The following WNT7A variants were observed in gnomAD, a reference collection of about 807,000 sequenced individuals.
WNT7A encodes the protein protein Wnt-7a.
WNT7A carries 16 observed loss-of-function variants against 28.2 expected under a neutral mutation model. The ratio of observed to expected loss-of-function variants is 0.57; its 90% CI spans 0.38 to 0.86. The LOEUF is 0.86. Among genes scored for constraint, WNT7A ranks in the 40% least tolerant of loss-of-function variants. The pLI is 0.00. For missense variants in WNT7A, 411 were observed against 489.7 expected, an observed-to-expected ratio of 0.84 and a Z score of 1.52; for synonymous variants, 190 against 195.9, an observed-to-expected ratio of 0.97 and a Z score of 0.25.
Position 13,842,131 on chromosome 3 carries a change from G to C in WNT7A, c.570+12401C>G, listed in dbSNP as rs142273177. Among the ~76,000 whole-genome samples the C allele has an allele frequency of 7.0e-3, 1,061 of 152,262 alleles. 12 individuals are homozygous for C. The highest frequency in any genetic ancestry group is 0.023 in the African/African-American group (955 of 41,532). On this transcript the variant is annotated intron_variant, in intron 3 of 3. Coordinates refer to ENST00000285018, the MANE Select transcript of WNT7A (RefSeq NM_004625.4). The stretch of plus-strand genomic sequence containing the variant: ...GTGAAGGCTTCTGTGTCTACTCTGG[G>C]TGAGATGGGAGCCATGGTGAGATTA...
chr3:13,855,519 C>A (rs1195057317), intron 2 of WNT7A, among the ~76,000 whole-genome samples: 1 of 152,184 alleles, frequency 6.6e-6, no homozygotes, highest in Non-Finnish European at 1.5e-5. Context: ...TTCTGTGGCC[C>A]CCTCACTGGA....
intron 1 of WNT7A, among the ~76,000 whole-genome samples, chr3:13,876,545 C>T (rs2124880805): frequency 6.6e-6 from 1 of 152,316 alleles, no homozygotes; most frequent in East Asian, 1.9e-4. Flanking sequence ...GGACAAGTGC[C>T]TCGTCCTGGG....
chr3:13,822,492 G>A (rs780513416), intron 3 of WNT7A, among the ~76,000 whole-genome samples: 3 of 152,206 alleles, frequency 2.0e-5, no homozygotes, highest in African/African-American at 4.8e-5. Context: ...GTGTGATTCC[G>A]TTTACATGCA....
Position 13,818,368 on chromosome 3 carries a change from A to AAAAAAAAAAAAAAAAAAAG in WNT7A, c.*575_*576insCTTTTTTTTTTTTTTTTTT, listed in dbSNP as rs1575056906. ...GCAAACAGCAAAAAAAAAAAAAAAA[A>AAAAAAAAAAAAAAAAAAAG]TGTGTGTGTGTATATCTATATATGC... On this transcript the variant is annotated 3_prime_UTR_variant, in exon 4 of 4. Coordinates refer to ENST00000285018, the MANE Select transcript of WNT7A (RefSeq NM_004625.4). 11 of 150,138 alleles carry AAAAAAAAAAAAAAAAAAAG rather than the reference A, an allele frequency of 7.3e-5. No homozygotes were observed. Among genetic ancestry groups the AAAAAAAAAAAAAAAAAAAG allele is most frequent in the East Asian group, 3.9e-4 (2 of 5,100 alleles). The allele number at this position is 150,138 out of a possible 1,614,324, so 9.3% of individuals were successfully genotyped here.
intron 3 of WNT7A, among the ~76,000 whole-genome samples, chr3:13,822,495 T>C (rs1694128053): frequency 6.6e-6 from 1 of 152,248 alleles, no homozygotes; most frequent in African/African-American, 2.4e-5. Flanking sequence ...TGATTCCGTT[T>C]ACATGCAATG....
chr3:13,819,456 G>T (rs750618953), intron 3 of WNT7A, 33 bp from the exon 4 acceptor site: 1 of 1,605,514 alleles, frequency 6.2e-7, no homozygotes, highest in East Asian at 2.2e-5. Flanking sequence ...GCACAGCACA[G>T]GTCACTGCAC....
chr3:13,856,956 GAAGAAGAAGAAGGAGA>G (rs1694751634), intron 2 of WNT7A, among the ~76,000 whole-genome samples: 1 of 124,806 alleles, frequency 8.0e-6, no homozygotes, highest in Non-Finnish European at 1.6e-5. Flanking sequence ...AGAAGAAGAA[GAAGAAGAAGAAGGAGA>G]AGAAGAAGAA....
At chr3:13,823,627 G>A (rs998121476) in intron 3 of WNT7A, among the ~76,000 whole-genome samples, 6 of 152,242 alleles carry the variant, frequency 3.9e-5, no homozygotes, top group African/African-American at 1.4e-4. Context: ...ATTAGTGGCT[G>A]CACCACTGGG....
chr3:13,851,053 C>G (rs1694629649), intron 3 of WNT7A, among the ~76,000 whole-genome samples: 1 of 152,126 alleles, frequency 6.6e-6, no homozygotes, highest in African/African-American at 2.4e-5. Context: ...CGACCCTGTT[C>G]CTCCACACCA....
At chr3:13,858,226 AC>A (rs1694777640) in intron 2 of WNT7A, among the ~76,000 whole-genome samples, 1 of 152,132 alleles carries the variant, frequency 6.6e-6, no homozygotes, top group Non-Finnish European at 1.5e-5. Flanking sequence ...TTGATGGGAG[AC>A]TGTGTCCTCT....
chr3:13,862,709 C>T (rs930018006), intron 2 of WNT7A, among the ~76,000 whole-genome samples: 3 of 152,226 alleles, frequency 2.0e-5, no homozygotes, highest in African/African-American at 4.8e-5. Context: ...GCCCACAGCT[C>T]GGGAAACTGG....
At chr3:13,879,537 T>A (rs1165635367) in intron 1 of WNT7A, among the ~76,000 whole-genome samples, 2 of 152,190 alleles carry the variant, frequency 1.3e-5, no homozygotes, top group Admixed American at 6.5e-5. Flanking sequence ...GACTCAGACG[T>A]CCTCAGGATG....
chr3:13,842,093 C>T (rs1241215431), intron 3 of WNT7A, among the ~76,000 whole-genome samples: 2 of 151,944 alleles, frequency 1.3e-5, no homozygotes, highest in African/African-American at 4.8e-5. Context: ...GAGGGAGGGG[C>T]CTGTGAGCCA....
At chr3:13,837,278 C>T (rs1345558363) in intron 3 of WNT7A, among the ~76,000 whole-genome samples, 1 of 152,152 alleles carries the variant, frequency 6.6e-6, no homozygotes, top group African/African-American at 2.4e-5. Flanking sequence ...GACACCCTTC[C>T]TCCAGTTCCT....
rs763137120 is a variant in WNT7A at position 13,879,783 on chromosome 3, G to C, written c.34C>G (p.Leu12Val). ...TAGACCATGCCCAGGCTGAGAAAGA[G>C]GTGGCCCAGGCAGCGCCGCGCTTTC... is the stretch of plus-strand genomic sequence containing the variant. ...NRKARRCLGH[L>V]FLSLGMVYLR... The change falls in exon 1 of 4, where the codon CTC becomes GTC. Residue 12 changes from leucine (L) to valine (V), a missense_variant. Leu to Val is a conservative substitution (Grantham distance 32, BLOSUM62 1). Coordinates refer to ENST00000285018, the MANE Select transcript of WNT7A (RefSeq NM_004625.4). The C allele has an allele frequency of 1.9e-5, 30 of 1,612,640 alleles. No individual in the cohort carries two copies. Among genetic ancestry groups the C allele is most frequent in the African/African-American group, 1.7e-4 (13 of 75,022 alleles).
rs1360640702 is a variant in WNT7A at position 13,856,960 on chromosome 3, A to AAGAAGAAGGAGAAGAAGG, written c.299-2158_299-2157insCCTTCTTCTCCTTCTTCT. ...GAAGAAGAAGAAGAAGAAGAAGAAG[A>AAGAAGAAGGAGAAGAAGG]AGAAGAAGGAGAAGAAGAAGAAGAA... On this transcript the variant is annotated intron_variant, in intron 2 of 3. Transcript: ENST00000285018. Among the ~76,000 whole-genome samples the AAGAAGAAGGAGAAGAAGG allele has an allele frequency of 1.1e-4, 13 of 117,538 alleles. 2 individuals are homozygous for AAGAAGAAGGAGAAGAAGG. Among genetic ancestry groups the AAGAAGAAGGAGAAGAAGG allele is most frequent in the African/African-American group, 4.9e-4 (12 of 24,370 alleles). 77.1% of individuals were successfully genotyped at this position (117,538 alleles called of 152,430 possible).
chr3:13,837,538 G>GTGAATGAATGAATGAATGAATGAATGAA (rs59047870), intron 3 of WNT7A, among the ~76,000 whole-genome samples: 1 of 149,780 alleles, frequency 6.7e-6, no homozygotes, highest in South Asian at 2.2e-4. Flanking sequence ...TTCTGGGTGA[G>GTGAATGAATGAATGAATGAATGAATGAA]TGAATGAATG....
intron 2 of WNT7A, among the ~76,000 whole-genome samples, chr3:13,872,782 C>T (rs1434204275): frequency 6.6e-6 from 1 of 152,190 alleles, no homozygotes; most frequent in Non-Finnish European, 1.5e-5. Context: ...CCTCCTGCTC[C>T]ACCCCAGACC....
chr3:13,847,209 T>C (rs1694551222), intron 3 of WNT7A, among the ~76,000 whole-genome samples: 1 of 152,164 alleles, frequency 6.6e-6, no homozygotes, highest in African/African-American at 2.4e-5. Context: ...GGTAGCTTCC[T>C]CTCTGGTCTA....
Sources: gnomAD v4.1 joint callset for allele counts (sites outside exome capture counted in the v4.1 genomes callset) on GRCh38, gnomAD v4.1.1 for gene constraint, MANE v1.5 for transcripts, NCBI Gene and HGNC (gene_info 2026-07-23, HGNC 2026-07-21) for gene names.